Variants in LAYN observed in about 807,000 individuals in gnomAD.
The protein encoded by LAYN is layilin.
A neutral mutation model predicts 43.6 loss-of-function variants in LAYN; 38 were observed. The ratio of observed to expected loss-of-function variants is 0.87; its 90% CI spans 0.67 to 1.14. The LOEUF (loss-of-function observed/expected upper bound fraction) is 1.14. LAYN is among the 50% of genes most tolerant of loss of function. The probability of loss-of-function intolerance (pLI) is 0.00; values close to 1 mark genes in which losing one functional copy is unlikely to be tolerated. For synonymous variants in LAYN, 168 were observed against 172.9 expected, an observed-to-expected ratio of 0.97 and a Z score of 0.22; for missense variants, 479 against 463.8, an observed-to-expected ratio of 1.03 and a Z score of -0.30.
intron 4 of LAYN, 82 bp from the exon 5 acceptor site, chr11:111,555,120 GCATCC>G: frequency 1.0e-6 from 1 of 978,592 alleles, no homozygotes; most frequent in Non-Finnish European, 1.6e-6. Context: ...CAGCTTTTTT[GCATCC>G]CAATTTGAAC....
rs1279192721 is a variant in LAYN at position 111,555,099 on chromosome 11, C to A, written c.575-108C>A. 6.2e-5 allele frequency: 50 copies of A among 806,400 alleles called. No individual in the cohort carries two copies. The South Asian group carries it at 7.1e-4, about 11-fold the overall frequency. 50.0% of individuals were successfully genotyped at this position (806,400 alleles called of 1,614,324 possible). A position where few individuals can be genotyped will look rare whatever the true frequency, so the allele number is the denominator to read the frequency against. ...TTTCTACGTTTATAGATGGTGCTGG[C>A]AAAATTTCTACAGCTTTTTTGCATC... On this transcript the variant is annotated intron_variant, in intron 4 of 6. Coordinates refer to ENST00000375614, the MANE Select transcript of LAYN (RefSeq NM_178834.5).
At position 111,540,918 on chromosome 11, in the gene LAYN, C is replaced by T; in HGVS notation, c.75C>T (p.Arg25=). 6.5e-7 allele frequency: 1 copy of T among 1,531,984 alleles called. No individual in the cohort carries two copies. The highest frequency in any genetic ancestry group is 8.7e-7 in the Non-Finnish European group (1 of 1,145,586). 94.9% of individuals were successfully genotyped at this position (1,531,984 alleles called of 1,614,324 possible). A position where few individuals can be genotyped will look rare whatever the true frequency, so the allele number is the denominator to read the frequency against. Residue 25 remains arginine, a synonymous_variant, in exon 1 of 7, where the codon CGC becomes CGT. Transcript: ENST00000375614. Reference sequence around the variant, plus strand: ...TGGGGCTGCGGGCCGCGACGGGTCGCCTGCTGAGTGGTGAGTGCGCGCGCT... The same window carrying T: ...TGGGGCTGCGGGCCGCGACGGGTCGTCTGCTGAGTGGTGAGTGCGCGCGCT... ...LLVGLRAATG[R]LLSGQPVCRG... is the part of the protein sequence containing the mutation.
At chr11:111,553,715 T>TACACACACACAC (rs60878342) in intron 3 of LAYN, among the ~76,000 whole-genome samples, 206 of 140,476 alleles carry the variant, frequency 1.5e-3, no homozygotes, top group African/African-American at 2.3e-3. Context: ...ACATCACCTA[T>TACACACACACAC]ACACACACAC....
intron 3 of LAYN, among the ~76,000 whole-genome samples, chr11:111,549,991 G>GA (rs1867715751): frequency 6.6e-6 from 1 of 152,230 alleles, no homozygotes; most frequent in Non-Finnish European, 1.5e-5. Context: ...GATGTTAAGA[G>GA]AAGGGATGAG....
At chr11:111,557,269 G>T (rs931995379) in intron 5 of LAYN, among the ~76,000 whole-genome samples, 1 of 152,162 alleles carries the variant, frequency 6.6e-6, no homozygotes, top group African/African-American at 2.4e-5. Flanking sequence ...ATCACTTAGG[G>T]TAATAGGACA....
At chr11:111,559,014 GACCTCAGGTGATCCGCCC>G (rs1195370447) in intron 6 of LAYN, among the ~76,000 whole-genome samples, 1 of 151,918 alleles carries the variant, frequency 6.6e-6, no homozygotes, top group Non-Finnish European at 1.5e-5. Context: ...TCGAACTCCT[GACCTCAGGTGATCCGCCC>G]ACCTCAGCTG....
Position 111,545,023 on chromosome 11 carries a change from A to G in LAYN, c.383+803A>G, listed in dbSNP as rs58364846. Among the ~76,000 whole-genome samples the G allele has an allele frequency of 2.7e-3, 412 of 150,524 alleles. 2 individuals carry two copies. The highest frequency in any genetic ancestry group is 9.5e-3 in the African/African-American group (389 of 40,826). The stretch of plus-strand genomic sequence containing the variant: ...GATTTTAAAATATATTCTTTAACAT[A>G]TACCTACTATGTACCCCCCCAAAAT... On this transcript the variant is annotated intron_variant, in intron 2 of 6. Transcript: ENST00000375614.
rs1169596764 is a variant in LAYN at position 111,560,503 on chromosome 11, A to G, written c.*45A>G. 3 of 1,557,086 alleles carry G rather than the reference A, an allele frequency of 1.9e-6. No homozygotes were observed. The highest frequency in any genetic ancestry group is 2.4e-5 in the South Asian group (2 of 82,044). ...CTGACAACAATGGAAAAGAAATGAT[A>G]AGCAAAATCCTCTTATTTTCTATAA... On this transcript the variant is annotated 3_prime_UTR_variant, in exon 7 of 7. Coordinates refer to ENST00000375614, the MANE Select transcript of LAYN (RefSeq NM_178834.5).
rs745552777 is a variant in LAYN at position 111,543,954 on chromosome 11, G to T, written c.117G>T (p.Arg39Ser). 3 of 1,613,786 alleles carry T rather than the reference G, an allele frequency of 1.9e-6. No homozygotes were observed. Among genetic ancestry groups the T allele is most frequent in the Non-Finnish European group, 2.5e-6 (3 of 1,179,938 alleles). The change falls in exon 2 of 7, where the codon AGG becomes AGT. Residue 39 changes from arginine to serine, a missense_variant. Physicochemically the swap from Arg to Ser is moderately radical, Grantham distance 110. Transcript: ENST00000375614. ...CAGTCTGCCGGGGAGGGACACAGAG[G>T]CCTTGTTATAAAGTCATTTACTTCC... ...GQPVCRGGTQRPCYKVIYFHD... is the reference protein window; with the variant it reads ...GQPVCRGGTQSPCYKVIYFHD...
At chr11:111,550,350 G>C (rs1259701775) in intron 3 of LAYN, among the ~76,000 whole-genome samples, 1 of 152,186 alleles carries the variant, frequency 6.6e-6, no homozygotes, top group Non-Finnish European at 1.5e-5. Context: ...ATCTGTTAGG[G>C]TTTTGAACTG....
chr11:111,553,715 T>TACACACACACACACACAC (rs60878342), intron 3 of LAYN, among the ~76,000 whole-genome samples: 11 of 140,398 alleles, frequency 7.8e-5, no homozygotes, highest in African/African-American at 2.7e-4. Flanking sequence ...ACATCACCTA[T>TACACACACACACACACAC]ACACACACAC....
chr11:111,551,396 A>G (rs535779271), intron 3 of LAYN: 1 of 456,202 alleles, frequency 2.2e-6, no homozygotes, highest in East Asian at 6.9e-5. Flanking sequence ...ATAGACCTCA[A>G]CCTCCCAAGG....
intron 2 of LAYN, among the ~76,000 whole-genome samples, chr11:111,546,115 A>G (rs1867644620): frequency 1.3e-5 from 2 of 152,118 alleles, no homozygotes; most frequent in Admixed American, 6.5e-5. Context: ...GCTGGCTGGC[A>G]TTACCTAGCT....
intron 2 of LAYN, among the ~76,000 whole-genome samples, 163 bp downstream of exon 2, chr11:111,544,383 GT>G: frequency 1.3e-5 from 2 of 152,354 alleles, no homozygotes; most frequent in African/African-American, 4.8e-5. Flanking sequence ...AGTGCAGGTG[GT>G]GAACTTAGCC....
intron 1 of LAYN, among the ~76,000 whole-genome samples, chr11:111,543,118 C>T (rs1395356224): frequency 6.6e-6 from 1 of 152,156 alleles, no homozygotes; most frequent in African/African-American, 2.4e-5. Context: ...TTCACTGGTA[C>T]CAGCATGATT....
intron 2 of LAYN, among the ~76,000 whole-genome samples, chr11:111,548,848 G>A (rs1289952906): frequency 6.6e-6 from 1 of 152,206 alleles, no homozygotes; most frequent in Non-Finnish European, 1.5e-5. Flanking sequence ...ACTCACAGAT[G>A]TAAACGCTCC....
intron 3 of LAYN, among the ~76,000 whole-genome samples, chr11:111,552,258 G>T (rs1867758147): frequency 6.6e-6 from 1 of 152,134 alleles, no homozygotes; most frequent in South Asian, 2.1e-4. Context: ...GCCCCTCAAA[G>T]CTAGGTTTGG....
rs74926127 is a variant in LAYN at position 111,549,684 on chromosome 11, G to A, written c.450G>A (p.Ser150=). The A allele has an allele frequency of 1.2e-5, 20 of 1,603,100 alleles. No homozygotes were observed. Among genetic ancestry groups the A allele is most frequent in the Admixed American group, 8.6e-5 (5 of 58,088 alleles). The part of the protein sequence containing the change: ...EVCVVMYHQP[S]APAGIGGPYM... ...GCGTGGTCATGTACCATCAGCCATCGGCACCCGCTGGCATCGGAGGCCCCT... is the reference window on the plus strand; with the variant it reads ...GCGTGGTCATGTACCATCAGCCATCAGCACCCGCTGGCATCGGAGGCCCCT... The change falls in exon 3 of 7, where the codon TCG becomes TCA. Residue 150 remains serine (S), a synonymous_variant. Transcript: ENST00000375614.
At chr11:111,541,640 A>T in intron 1 of LAYN, 1 of 1,492,324 alleles carries the variant, frequency 6.7e-7, no homozygotes, top group South Asian at 1.2e-5. Flanking sequence ...CGGGGGGAGA[A>T]CATCCGTGCC....
Sources: allele counts gnomAD v4.1 joint callset (sites outside exome capture counted in the v4.1 genomes callset), GRCh38; gene constraint gnomAD v4.1.1; transcripts MANE v1.5; gene names NCBI Gene and HGNC (gene_info 2026-07-23, HGNC 2026-07-21).